The following IQCJ variants were observed in gnomAD, a reference collection of about 807,000 sequenced individuals.
IQCJ encodes IQ domain-containing protein J.
A neutral mutation model predicts 11.0 loss-of-function variants in IQCJ; 9 were observed. The observed-to-expected ratio is 0.82, with a 90% CI of 0.49 to 1.43. IQCJ has a LOEUF of 1.43. Among genes scored for constraint, IQCJ ranks in the 40% most tolerant of loss-of-function variants. IQCJ has a pLI of 0.00. For synonymous variants in IQCJ, 55 were observed against 51.3 expected (o/e 1.07, Z -0.31); for missense variants, 146 against 133.2 (o/e 1.10, Z -0.47).
intron 1 of IQCJ, among the ~76,000 whole-genome samples, chr3:159,091,642 G>A (rs1375476548): frequency 7.4e-6 from 1 of 135,148 alleles, no homozygotes. Flanking sequence ...ACCTAAAGGG[G>A]TATTTACACA....
At position 159,086,372 on chromosome 3, in the gene IQCJ, T is replaced by G. The variant is rs543966911; in HGVS notation, c.9+16931T>G. On this transcript the variant is annotated intron_variant, in intron 1 of 3. Coordinates refer to ENST00000397832, the MANE Select transcript of IQCJ (RefSeq NM_001042706.3). ...GTGTGATGCCTCCAGCTTTGTTCTTTTGGCTTAGGATTGACTTGGCGATGC... is the reference window on the plus strand; with the variant it reads ...GTGTGATGCCTCCAGCTTTGTTCTTGTGGCTTAGGATTGACTTGGCGATGC... 6.8e-3 allele frequency among the ~76,000 whole-genome samples: 1,042 copies of G among 152,268 alleles called. 7 individuals are homozygous for G. Among genetic ancestry groups the G allele is most frequent in the African/African-American group, 0.024 (1,004 of 41,550 alleles).
chr3:159,166,191 G>A (rs1324143607), intron 1 of IQCJ, among the ~76,000 whole-genome samples: 2 of 151,664 alleles, frequency 1.3e-5, no homozygotes, highest in Non-Finnish European at 1.5e-5. Flanking sequence ...CCAGCAGCAT[G>A]TGATAAATTA....
At chr3:159,089,324 C>G (rs1330241381) in intron 1 of IQCJ, among the ~76,000 whole-genome samples, 1 of 152,158 alleles carries the variant, frequency 6.6e-6, no homozygotes, top group Non-Finnish European at 1.5e-5. Flanking sequence ...TGAGGATAAC[C>G]TGACCTTTCT....
At chr3:159,171,368 C>CA (rs1306725148) in intron 1 of IQCJ, among the ~76,000 whole-genome samples, 2 of 152,176 alleles carry the variant, frequency 1.3e-5, no homozygotes, top group Non-Finnish European at 2.9e-5. Flanking sequence ...GCGTCAGAGA[C>CA]ACTGTCCTTA....
intron 1 of IQCJ, among the ~76,000 whole-genome samples, chr3:159,164,375 T>A (rs573262283): frequency 6.6e-6 from 1 of 152,306 alleles, no homozygotes; most frequent in East Asian, 1.9e-4. Flanking sequence ...GAATCTCAGG[T>A]TTATTGCTTT....
At chr3:159,157,398 A>C (rs1349005193) in intron 1 of IQCJ, among the ~76,000 whole-genome samples, 1 of 152,032 alleles carries the variant, frequency 6.6e-6, no homozygotes, top group Non-Finnish European at 1.5e-5. Context: ...ATTTTTTCTC[A>C]TGATTGTCTT....
intron 1 of IQCJ, among the ~76,000 whole-genome samples, chr3:159,073,215 G>C (rs1386435681): frequency 1.3e-5 from 2 of 152,120 alleles, no homozygotes; most frequent in Non-Finnish European, 2.9e-5. Flanking sequence ...CCCCGAAAGA[G>C]CATGGCTGTG....
At chr3:159,216,537 G>A (rs934000121) in intron 1 of IQCJ, among the ~76,000 whole-genome samples, 3 of 152,078 alleles carry the variant, frequency 2.0e-5, no homozygotes, top group Non-Finnish European at 4.4e-5. Context: ...CCTTATCACT[G>A]TACCCTGCAG....
intron 1 of IQCJ, among the ~76,000 whole-genome samples, chr3:159,238,900 C>A (rs1029025887): frequency 6.6e-6 from 1 of 152,000 alleles, no homozygotes; most frequent in Non-Finnish European, 1.5e-5. Flanking sequence ...GTCACACAGA[C>A]CTTGGCTGAG....
At chr3:159,121,551 G>A (rs1422317946) in intron 1 of IQCJ, among the ~76,000 whole-genome samples, 1 of 152,230 alleles carries the variant, frequency 6.6e-6, no homozygotes, top group Non-Finnish European at 1.5e-5. Context: ...CCTGGTGAAA[G>A]GAGGTTGGTA....
chr3:159,167,047 C>T (rs1317540829), intron 1 of IQCJ, among the ~76,000 whole-genome samples: 3 of 152,130 alleles, frequency 2.0e-5, no homozygotes, highest in Non-Finnish European at 4.4e-5. Flanking sequence ...TACAAGGCTG[C>T]CATTGATCAA....
rs1284325511 is a variant in IQCJ at position 159,245,944 on chromosome 3, T to C, written c.74+37T>C. On this transcript the variant is annotated intron_variant, in intron 2 of 3. Coordinates refer to ENST00000397832, the MANE Select transcript of IQCJ (RefSeq NM_001042706.3). ...GTATTAAGTTAAATCATCTGCAAGG[T>C]TGGAAAGCTTGAGTAAAAAGAAAAT... The C allele has an allele frequency of 4.9e-6, 7 of 1,442,488 alleles. No homozygotes were observed. The South Asian group carries it at 5.1e-5, about 11-fold the overall frequency. The allele number at this position is 1,442,488 out of a possible 1,614,324, so 89.4% of individuals were successfully genotyped here.
At chr3:159,232,730 T>G (rs753652236) in intron 1 of IQCJ, among the ~76,000 whole-genome samples, 39 of 152,332 alleles carry the variant, frequency 2.6e-4, no homozygotes, top group Admixed American at 8.5e-4. Context: ...TGTAGATGTC[T>G]GTTAGTTCCA....
At chr3:159,178,062 A>C (rs1168696531) in intron 1 of IQCJ, among the ~76,000 whole-genome samples, 1 of 152,240 alleles carries the variant, frequency 6.6e-6, no homozygotes, top group East Asian at 1.9e-4. Flanking sequence ...AAGCAAAGCA[A>C]ATATAGTTCT....
chr3:159,177,977 T>G lies in IQCJ; in HGVS notation c.10-67866T>G, dbSNP rs928378752. On this transcript the variant is annotated intron_variant, in intron 1 of 3. Coordinates refer to ENST00000397832, the MANE Select transcript of IQCJ (RefSeq NM_001042706.3). ...GAATAAGACACAGCTGGCTGCTAAC[T>G]TCAAGAAGCAATGTTCATTTTTGTG... is the stretch of plus-strand genomic sequence containing the variant. 5.3e-5 allele frequency among the ~76,000 whole-genome samples: 8 copies of G among 152,304 alleles called. No homozygotes were observed. The South Asian group carries it at 1.2e-3, about 24-fold the overall frequency.
chr3:159,101,752 C>T (rs1717941277), intron 1 of IQCJ, among the ~76,000 whole-genome samples: 1 of 152,176 alleles, frequency 6.6e-6, no homozygotes, highest in African/African-American at 2.4e-5. Context: ...CCAAGTCTTT[C>T]TGAGATCAAT....
chr3:159,202,159 C>A (rs1221392387), intron 1 of IQCJ, among the ~76,000 whole-genome samples: 3 of 152,122 alleles, frequency 2.0e-5, no homozygotes, highest in African/African-American at 7.2e-5. Flanking sequence ...TCCATAGTTT[C>A]ATCAGCCTCT....
chr3:159,247,321 C>T (rs988606353), intron 2 of IQCJ, among the ~76,000 whole-genome samples: 2 of 151,708 alleles, frequency 1.3e-5, no homozygotes, highest in Admixed American at 6.6e-5. Context: ...GTCTCAAACT[C>T]CTGACCTCAA....
chr3:159,261,056 T>C (rs1241095491), intron 3 of IQCJ, among the ~76,000 whole-genome samples: 1 of 152,218 alleles, frequency 6.6e-6, no homozygotes, highest in Non-Finnish European at 1.5e-5. Context: ...GATTCAATAA[T>C]GTGGTCACAT....
Sources: gnomAD v4.1 joint callset for allele counts (sites outside exome capture counted in the v4.1 genomes callset) on GRCh38, gnomAD v4.1.1 for gene constraint, MANE v1.5 for transcripts, NCBI Gene and HGNC (gene_info 2026-07-23, HGNC 2026-07-21) for gene names.